NPAS3: variants seen among roughly 807,000 people sequenced by gnomAD.
NPAS3 encodes neuronal PAS domain protein 3, also known as neuronal PAS domain-containing protein 3.
Under a neutral mutation model 73.1 loss-of-function variants are expected in NPAS3, and 14 were observed. That is an observed-to-expected ratio of 0.19 (90% CI 0.13 to 0.30). NPAS3 has a LOEUF of 0.30. Ranked by LOEUF, NPAS3 falls within the 10% of genes least tolerant of loss-of-function variation. The pLI, the probability that NPAS3 is intolerant of heterozygous loss-of-function variation, is 1.00. For missense variants in NPAS3, 1,096 were observed against 1,250.0 expected (o/e 0.88, Z 1.86); for synonymous variants, 620 against 541.5 (o/e 1.14, Z -2.01).
At chr14:33,286,870 A>T (rs1594602476) in intron 3 of NPAS3, among the ~76,000 whole-genome samples, 1 of 152,154 alleles carries the variant, frequency 6.6e-6, no homozygotes, top group Non-Finnish European at 1.5e-5. Context: ...CAGTGAAAAT[A>T]TGATATTTCT....
Position 33,177,541 on chromosome 14 carries a change from T to G in NPAS3, c.141-37641T>G, listed in dbSNP as rs576861239. ...TATTAATGATGTTCAATTTATCTTT[T>G]GTTTGCATCTGTTGCTCATACTTTT... On this transcript the variant is annotated intron_variant, in intron 2 of 11. Coordinates refer to ENST00000356141, the Ensembl canonical transcript of NPAS3. Among the ~76,000 whole-genome samples, 139 of 152,362 alleles carry G rather than the reference T, an allele frequency of 9.1e-4. 4 individuals carry two copies. The South Asian group carries it at 0.028, about 31-fold the overall frequency.
chr14:32,952,814 T>C (rs2036533736), intron 1 of NPAS3, among the ~76,000 whole-genome samples: 1 of 152,140 alleles, frequency 6.6e-6, no homozygotes, highest in Non-Finnish European at 1.5e-5. Flanking sequence ...CTCATGCTTG[T>C]AATCCCAGCA....
chr14:33,027,399 C>A (rs2039845803), intron 1 of NPAS3, among the ~76,000 whole-genome samples: 1 of 152,086 alleles, frequency 6.6e-6, no homozygotes, highest in Non-Finnish European at 1.5e-5. Context: ...CTTTCTAAAG[C>A]TTTTATTCTC....
At chr14:33,610,382 T>C (rs757186496) in intron 5 of NPAS3, among the ~76,000 whole-genome samples, 7 of 152,154 alleles carry the variant, frequency 4.6e-5, no homozygotes, top group Non-Finnish European at 8.8e-5. Context: ...TGTGCAAAGT[T>C]TCACTGGCAA....
At chr14:33,448,513 A>C (rs537405912) in intron 4 of NPAS3, among the ~76,000 whole-genome samples, 1 of 152,342 alleles carries the variant, frequency 6.6e-6, no homozygotes, top group African/African-American at 2.4e-5. Context: ...TACATTTTGC[A>C]TCTTACTTTA....
At chr14:33,790,132 T>G (rs1175987148) in intron 9 of NPAS3, among the ~76,000 whole-genome samples, 3 of 152,228 alleles carry the variant, frequency 2.0e-5, no homozygotes, top group Non-Finnish European at 4.4e-5. Context: ...CTTTGTAGTT[T>G]GTAGACATGG....
At chr14:33,612,804 T>A (rs1011980665) in intron 5 of NPAS3, among the ~76,000 whole-genome samples, 9 of 152,186 alleles carry the variant, frequency 5.9e-5, no homozygotes. Flanking sequence ...TAGAAACATG[T>A]GTATCCTAGG....
At chr14:33,768,328 TTTAG>T (rs147293114) in intron 7 of NPAS3, among the ~76,000 whole-genome samples, 1,679 of 152,322 alleles carry the variant, frequency 0.011, 28 homozygotes, top group African/African-American at 0.035. Context: ...CAAAGAATCT[TTTAG>T]TTCAGAAAGC....
intron 5 of NPAS3, among the ~76,000 whole-genome samples, chr14:33,625,951 A>G (rs533137514): frequency 3.2e-4 from 48 of 152,270 alleles, no homozygotes; most frequent in African/African-American, 1.2e-3. Flanking sequence ...TAGACTTGTT[A>G]GAGAATGAAA....
At chr14:33,229,539 T>C (rs1186852878) in intron 3 of NPAS3, among the ~76,000 whole-genome samples, 1 of 152,194 alleles carries the variant, frequency 6.6e-6, no homozygotes. Context: ...GAGGGAAGAC[T>C]AGACGGTGCG....
At chr14:33,021,998 G>A (rs1329842052) in intron 1 of NPAS3, among the ~76,000 whole-genome samples, 1 of 152,160 alleles carries the variant, frequency 6.6e-6, no homozygotes, top group African/African-American at 2.4e-5. Context: ...AGGTGGTGTG[G>A]CTGAAGTCGC....
chr14:33,329,664 G>A (rs1361061191), intron 3 of NPAS3, among the ~76,000 whole-genome samples: 1 of 152,062 alleles, frequency 6.6e-6, no homozygotes, highest in Non-Finnish European at 1.5e-5. Flanking sequence ...GGTAGGCAGG[G>A]GCATGATCCT....
chr14:33,793,856 C>A (rs1241907163), intron 9 of NPAS3, 41 bp from the exon 10 acceptor site: 14 of 1,560,222 alleles, frequency 9.0e-6, no homozygotes, highest in Non-Finnish European at 1.2e-5. Flanking sequence ...TATTTGATCC[C>A]AGTCTTAATA....
At chr14:32,936,779 A>T (rs887790883), upstream of NPAS3, among the ~76,000 whole-genome samples, 4 of 152,192 alleles carry the variant, frequency 2.6e-5, no homozygotes, top group African/African-American at 7.2e-5. Context: ...CACCTCAGAG[A>T]GAATTTTCCC....
At chr14:33,683,360 G>GT (rs2059994176) in intron 6 of NPAS3, among the ~76,000 whole-genome samples, 1 of 123,764 alleles carries the variant, frequency 8.1e-6, no homozygotes, top group South Asian at 2.7e-4. Flanking sequence ...TGATAGGGAT[G>GT]TATTTTGCAA....
chr14:32,969,642 A>G (rs1456215192), intron 1 of NPAS3, among the ~76,000 whole-genome samples: 1 of 152,186 alleles, frequency 6.6e-6, no homozygotes, highest in Non-Finnish European at 1.5e-5. Flanking sequence ...GGATAGAAGA[A>G]CTAGAAGTAC....
chr14:33,062,116 G>A (rs367705213), intron 2 of NPAS3, among the ~76,000 whole-genome samples: 2 of 152,104 alleles, frequency 1.3e-5, no homozygotes, highest in African/African-American at 4.8e-5. Flanking sequence ...CCTGGCAGGA[G>A]TTTTCAGGAG....
intron 1 of NPAS3, among the ~76,000 whole-genome samples, chr14:33,039,073 C>A (rs1385947787): frequency 6.6e-6 from 1 of 152,130 alleles, no homozygotes; most frequent in Non-Finnish European, 1.5e-5. Flanking sequence ...ACCCATGAAG[C>A]CACGACCAAG....
chr14:33,109,810 CTTT>C (rs67439887), intron 2 of NPAS3, among the ~76,000 whole-genome samples: 3,667 of 86,956 alleles, frequency 0.042, 65 homozygotes, highest in African/African-American at 0.15. Context: ...ATTTGCATGT[CTTT>C]TTTTTTTTTT....
Sources: allele counts gnomAD v4.1 joint callset (sites outside exome capture counted in the v4.1 genomes callset), GRCh38; gene constraint gnomAD v4.1.1; transcripts MANE v1.5; gene names NCBI Gene and HGNC (gene_info 2026-07-23, HGNC 2026-07-21).